Variants in CSMD3 observed in about 807,000 individuals in gnomAD.
The protein encoded by CSMD3 is CUB and Sushi multiple domains 3.
CSMD3 carries 177 observed loss-of-function variants against 435.2 expected under a neutral mutation model. That is an observed-to-expected ratio of 0.41 (90% CI 0.36 to 0.46). The LOEUF is 0.46. Ranked by LOEUF, CSMD3 falls within the 20% of genes least tolerant of loss-of-function variation. The pLI, the probability that CSMD3 is intolerant of heterozygous loss-of-function variation, is 0.34. For missense variants in CSMD3, 4,265 were observed against 4,504.6 expected, an observed-to-expected ratio of 0.95 and a Z score of 1.52; for synonymous variants, 1,656 against 1,520.5, an observed-to-expected ratio of 1.09 and a Z score of -2.07.
At chr8:113,283,099 A>C (rs1179059197) in intron 2 of CSMD3, among the ~76,000 whole-genome samples, 3 of 152,172 alleles carry the variant, frequency 2.0e-5, no homozygotes, top group Non-Finnish European at 4.4e-5. Flanking sequence ...TGGATTAAGG[A>C]CGTAAATCTA....
intron 3 of CSMD3, among the ~76,000 whole-genome samples, chr8:113,252,577 C>T (rs1175193332): frequency 2.0e-5 from 3 of 152,032 alleles, no homozygotes; most frequent in African/African-American, 7.2e-5. Flanking sequence ...GTGAGAGAAA[C>T]AACCTTTTTC....
intron 27 of CSMD3, among the ~76,000 whole-genome samples, chr8:112,537,595 T>C (rs1459577684): frequency 6.6e-6 from 1 of 151,892 alleles, no homozygotes; most frequent in Admixed American, 6.6e-5. Flanking sequence ...GAGACTATTA[T>C]GAAGAAGAAT....
At chr8:112,647,600 C>T (rs931078383) in intron 19 of CSMD3, among the ~76,000 whole-genome samples, 79 of 152,284 alleles carry the variant, frequency 5.2e-4, no homozygotes, top group African/African-American at 1.9e-3. Flanking sequence ...GCCACCGCAC[C>T]AGGCCTTCAA....
chr8:112,427,786 C>G (rs1813233271), intron 32 of CSMD3, among the ~76,000 whole-genome samples: 1 of 152,134 alleles, frequency 6.6e-6, no homozygotes, highest in South Asian at 2.1e-4. Context: ...TTTGTATCTT[C>G]TAAATGTGTC....
chr8:112,726,772 C>T (rs753582996), intron 13 of CSMD3, among the ~76,000 whole-genome samples: 39 of 151,538 alleles, frequency 2.6e-4, no homozygotes, highest in Non-Finnish European at 4.3e-4. Flanking sequence ...ACTATAGATG[C>T]GTCATTAAAT....
At chr8:112,921,034 C>CACACAT (rs1181634704) in intron 10 of CSMD3, among the ~76,000 whole-genome samples, 2 of 129,838 alleles carry the variant, frequency 1.5e-5, no homozygotes, top group Non-Finnish European at 3.3e-5. Flanking sequence ...CACACACACA[C>CACACAT]ATATATATAC....
intron 53 of CSMD3, among the ~76,000 whole-genome samples, chr8:112,297,833 A>T (rs996467450): frequency 2.6e-5 from 4 of 152,122 alleles, no homozygotes; most frequent in African/African-American, 9.7e-5. Context: ...TTAGATAAAC[A>T]ACTTTAGTTG....
intron 23 of CSMD3, among the ~76,000 whole-genome samples, chr8:112,583,541 T>C (rs1377799587): frequency 6.6e-6 from 1 of 151,952 alleles, no homozygotes; most frequent in African/African-American, 2.4e-5. Context: ...TCAAGTGAAA[T>C]CCAAACCTAC....
At chr8:112,887,733 T>C (rs1000839529) in intron 10 of CSMD3, among the ~76,000 whole-genome samples, 2 of 102,096 alleles carry the variant, frequency 2.0e-5, no homozygotes, top group Admixed American at 1.2e-4. Flanking sequence ...GATACTAGTC[T>C]TTATGCAAAA....
intron 59 of CSMD3, among the ~76,000 whole-genome samples, chr8:112,280,376 T>C (rs538484844): frequency 6.6e-6 from 1 of 152,136 alleles, no homozygotes; most frequent in Admixed American, 6.6e-5. Flanking sequence ...GCTCAGGTGA[T>C]CCTCTCATCT....
rs138064755 is a variant in CSMD3, at chr8:112,482,774, T to C, written c.5278+9715A>G. On this transcript the variant is annotated intron_variant, in intron 31 of 70. Transcript: ENST00000297405. ...AAAGGGAAAAGCGCTCTTTAATAAT[T>C]TGTTAACTTCTACCAAATCGCCTCA... Among the ~76,000 whole-genome samples the C allele has an allele frequency of 2.7e-3, 412 of 152,318 alleles. 1 individual carries two copies. Among genetic ancestry groups the C allele is most frequent in the African/African-American group, 9.6e-3 (398 of 41,570 alleles).
chr8:112,994,582 A>G (rs2085575248), intron 6 of CSMD3, among the ~76,000 whole-genome samples: 1 of 151,648 alleles, frequency 6.6e-6, no homozygotes, highest in Non-Finnish European at 1.5e-5. Flanking sequence ...AATTATCACA[A>G]TAATATTACA....
chr8:113,214,693 G>A (rs561773679), intron 3 of CSMD3, among the ~76,000 whole-genome samples: 3 of 151,592 alleles, frequency 2.0e-5, no homozygotes, highest in Non-Finnish European at 4.4e-5. Context: ...AAAATTTAGA[G>A]GAATGCCTAA....
intron 13 of CSMD3, among the ~76,000 whole-genome samples, chr8:112,693,275 T>G (rs1017885818): frequency 2.0e-5 from 3 of 152,112 alleles, no homozygotes; most frequent in Admixed American, 6.6e-5. Context: ...TGTGTTAAAG[T>G]GCTAGGTGAT....
At chr8:112,791,674 A>C (rs577856432) in intron 13 of CSMD3, among the ~76,000 whole-genome samples, 5 of 152,156 alleles carry the variant, frequency 3.3e-5, no homozygotes, top group African/African-American at 9.7e-5. Flanking sequence ...TAGAAATTTT[A>C]AAAAATCTAC....
chr8:113,135,243 A>G (rs1367701661), intron 4 of CSMD3, among the ~76,000 whole-genome samples: 1 of 152,024 alleles, frequency 6.6e-6, no homozygotes, highest in African/African-American at 2.4e-5. Context: ...TGAAATATAA[A>G]TATCATTTAT....
At chr8:112,682,308 T>G (rs764505871) in intron 16 of CSMD3, 134 bp downstream of exon 16, 24 of 736,662 alleles carry the variant, frequency 3.3e-5, no homozygotes, top group Non-Finnish European at 5.3e-5. Flanking sequence ...TAACAAGATA[T>G]GTTTAATATA....
chr8:113,230,885 T>C (rs1210211002), intron 3 of CSMD3, among the ~76,000 whole-genome samples: 3 of 151,518 alleles, frequency 2.0e-5, no homozygotes, highest in Admixed American at 6.6e-5. Context: ...ATAATACTAA[T>C]TGTGTCCTTC....
rs866309676 is a variant in CSMD3, at chr8:112,831,294, T to C, written c.1756-1505A>G. On this transcript the variant is annotated intron_variant, in intron 11 of 70. Coordinates refer to ENST00000297405, the MANE Select transcript of CSMD3 (RefSeq NM_198123.2). ...CTTCCCATTAATAATTACCTGTCAA[T>C]ACAGACTTAGATTGTTTCCCATTTT... Among the ~76,000 whole-genome samples, 5 of 150,226 alleles carry C rather than the reference T, an allele frequency of 3.3e-5. No individual in the cohort carries two copies. The South Asian group carries it at 1.1e-3, about 32-fold the overall frequency.
Sources: gnomAD v4.1 joint callset for allele counts (sites outside exome capture counted in the v4.1 genomes callset) on GRCh38, gnomAD v4.1.1 for gene constraint, MANE v1.5 for transcripts, NCBI Gene and HGNC (gene_info 2026-07-23, HGNC 2026-07-21) for gene names.